The following C13orf42 variants were observed in gnomAD, a reference collection of about 807,000 sequenced individuals.
C13orf42 encodes the protein chromosome 13 open reading frame 42, also known as uncharacterized protein C13orf42.
At chr13:51,128,013 C>T (rs777582566) in intron 1 of C13orf42, among the ~76,000 whole-genome samples, 12 of 152,326 alleles carry the variant, frequency 7.9e-5, no homozygotes, top group Admixed American at 2.6e-4. Flanking sequence ...CCTACCAACA[C>T]CAAGATGGCA....
chr13:51,156,414 G>A (rs1038676365), intron 1 of C13orf42, among the ~76,000 whole-genome samples: 2 of 152,058 alleles, frequency 1.3e-5, no homozygotes, highest in Non-Finnish European at 2.9e-5. Context: ...CTGCCACTAC[G>A]CCCTTTCCTG....
chr13:51,105,488 A>G (rs956007496), intron 1 of C13orf42, among the ~76,000 whole-genome samples: 25 of 152,244 alleles, frequency 1.6e-4, no homozygotes, highest in Non-Finnish European at 4.4e-5. Context: ...CACATCACAC[A>G]AGACTCCCTA....
chr13:51,148,796 C>T lies in C13orf42; in HGVS notation n.136+23457G>A, dbSNP rs150133980. The stretch of plus-strand genomic sequence containing the variant: ...GCCAGGGCTCTTTGAGGGTACCCTC[C>T]GCCGCCAGGCCCCAGCTGGGCCCGT... On this transcript the variant is annotated intron_variant and non_coding_transcript_variant, in intron 1 of 4. Coordinates refer to the C13orf42 transcript ENST00000433280. Among the ~76,000 whole-genome samples, 462 of 152,312 alleles carry T rather than the reference C, an allele frequency of 3.0e-3. 6 individuals are homozygous for T. The highest frequency in any genetic ancestry group is 2.4e-3 in the Non-Finnish European group (165 of 68,026).
intron 1 of C13orf42, among the ~76,000 whole-genome samples, chr13:51,126,953 C>T (rs770821632): frequency 1.4e-4 from 21 of 152,078 alleles, no homozygotes; most frequent in Non-Finnish European, 2.6e-4. Context: ...TTCTTTGAGC[C>T]AAGGAGTTCA....
intron 1 of C13orf42, among the ~76,000 whole-genome samples, chr13:51,091,045 G>A (rs1175212264): frequency 6.6e-6 from 1 of 152,104 alleles, no homozygotes; most frequent in Non-Finnish European, 1.5e-5. Context: ...TTCAAGACTT[G>A]TGTCACTTTC....
intron 1 of C13orf42, among the ~76,000 whole-genome samples, chr13:51,128,784 A>G (rs1419476476): frequency 6.6e-6 from 1 of 152,208 alleles, no homozygotes; most frequent in Non-Finnish European, 1.5e-5. Flanking sequence ...GGGAAATATT[A>G]GGGAAAGTTA....
intron 1 of C13orf42, among the ~76,000 whole-genome samples, chr13:51,170,515 C>T (rs2138056937): frequency 6.6e-6 from 1 of 152,268 alleles, no homozygotes; most frequent in Non-Finnish European, 1.5e-5. Context: ...ATCCCTCAAC[C>T]TCTTTCTCCT....
intron 1 of C13orf42, among the ~76,000 whole-genome samples, chr13:51,109,903 T>C (rs1416277008): frequency 6.6e-6 from 1 of 152,230 alleles, no homozygotes; most frequent in East Asian, 1.9e-4. Flanking sequence ...CCCCACCTAC[T>C]GTACTGGCTT....
chr13:51,098,911 G>A lies in C13orf42; in HGVS notation c.415-10836C>T, dbSNP rs529281014. ...TGAGGTACTAATAATACTTTCTTGG[G>A]ATAATCATACCTAGGTATCTGAATG... On this transcript the variant is annotated intron_variant, in intron 1 of 3. Coordinates refer to ENST00000563710, the MANE Select transcript of C13orf42 (RefSeq NM_001351589.3). Among the ~76,000 whole-genome samples, 44 of 151,952 alleles carry A rather than the reference G, an allele frequency of 2.9e-4. 2 individuals carry two copies. The South Asian group carries it at 9.1e-3, about 32-fold the overall frequency.
At chr13:51,149,326 A>C (rs925397080) in intron 1 of C13orf42, among the ~76,000 whole-genome samples, 3 of 151,964 alleles carry the variant, frequency 2.0e-5, no homozygotes, top group Non-Finnish European at 4.4e-5. Flanking sequence ...AAAAAAAAAA[A>C]AAAACCCTAA....
At chr13:51,121,562 G>A (rs1035322239) in intron 1 of C13orf42, among the ~76,000 whole-genome samples, 16 of 145,014 alleles carry the variant, frequency 1.1e-4, no homozygotes, top group Admixed American at 8.4e-4. Flanking sequence ...TTGAGACAGA[G>A]TCTCACTCTG....
chr13:51,098,193 C>A (rs996553608), intron 1 of C13orf42, among the ~76,000 whole-genome samples: 3 of 152,012 alleles, frequency 2.0e-5, no homozygotes, highest in Non-Finnish European at 4.4e-5. Flanking sequence ...CACCACCCTC[C>A]GGGTACCTGA....
intron 1 of C13orf42, among the ~76,000 whole-genome samples, chr13:51,152,226 CTG>C (rs1366642012): frequency 5.3e-5 from 8 of 152,256 alleles, no homozygotes; most frequent in African/African-American, 1.7e-4. Flanking sequence ...CACTCCAGCT[CTG>C]TGTCGTTTCT....
At chr13:51,112,636 T>G (rs1163865894), upstream of C13orf42, among the ~76,000 whole-genome samples, 1 of 152,184 alleles carries the variant, frequency 6.6e-6, no homozygotes, top group Non-Finnish European at 1.5e-5. Flanking sequence ...ATAAAGCATC[T>G]CCACACATAC....
chr13:51,131,699 T>C (rs1398883026), intron 1 of C13orf42, among the ~76,000 whole-genome samples: 1 of 152,162 alleles, frequency 6.6e-6, no homozygotes, highest in Non-Finnish European at 1.5e-5. Flanking sequence ...ATGTGAAAAA[T>C]AATTATTCTT....
At chr13:51,096,298 A>C (rs1953233995) in intron 1 of C13orf42, among the ~76,000 whole-genome samples, 1 of 152,104 alleles carries the variant, frequency 6.6e-6, no homozygotes, top group South Asian at 2.1e-4. Flanking sequence ...GATGGTGGTG[A>C]GAGACAAGAG....
At chr13:51,109,406 CT>C (rs532919460) in intron 1 of C13orf42, among the ~76,000 whole-genome samples, 49 of 152,250 alleles carry the variant, frequency 3.2e-4, no homozygotes, top group Admixed American at 2.9e-3. Flanking sequence ...AGGAAAATGA[CT>C]GATGGAAGTA....
At chr13:51,103,007 G>A (rs115988584) in intron 1 of C13orf42, among the ~76,000 whole-genome samples, 1 of 152,070 alleles carries the variant, frequency 6.6e-6, no homozygotes, top group African/African-American at 2.4e-5. Context: ...CCCTTGACAC[G>A]TGGGGATTAC....
At chr13:51,084,621 AC>A (rs1444873617) in intron 3 of C13orf42, among the ~76,000 whole-genome samples, 2 of 152,208 alleles carry the variant, frequency 1.3e-5, no homozygotes, top group African/African-American at 4.8e-5. Context: ...CCTAAATCCA[AC>A]AGGGTTTAGT....
Sources: allele counts gnomAD v4.1 joint callset (sites outside exome capture counted in the v4.1 genomes callset), GRCh38; gene constraint gnomAD v4.1.1; transcripts MANE v1.5; gene names NCBI Gene and HGNC (gene_info 2026-07-23, HGNC 2026-07-21).